GSAP: variants seen among roughly 807,000 people sequenced by gnomAD.
GSAP encodes gamma-secretase-activating protein.
Under a neutral mutation model 131.7 loss-of-function variants are expected in GSAP, and 118 were observed. The observed-to-expected ratio is 0.90, with a 90% CI of 0.77 to 1.04. The LOEUF (loss-of-function observed/expected upper bound fraction) is 1.04. GSAP is among the 50% of genes least tolerant of loss of function. The probability of loss-of-function intolerance (pLI) is 0.00; values close to 1 mark genes in which losing one functional copy is unlikely to be tolerated. For synonymous variants in GSAP, 381 were observed against 363.4 expected, an observed-to-expected ratio of 1.05 and a Z score of -0.55; for missense variants, 1,019 against 1,013.2, an observed-to-expected ratio of 1.01 and a Z score of -0.08.
At chr7:77,317,089 C>G (rs1380505267) in intron 26 of GSAP, among the ~76,000 whole-genome samples, 1 of 150,330 alleles carries the variant, frequency 6.7e-6, no homozygotes, top group East Asian at 1.9e-4. Flanking sequence ...CATGCACATG[C>G]ACACACACAC....
chr7:77,407,414 T>C (rs1219340230), intron 1 of GSAP, among the ~76,000 whole-genome samples: 1 of 152,192 alleles, frequency 6.6e-6, no homozygotes, highest in African/African-American at 2.4e-5. Context: ...TCTTAATCTT[T>C]TAATTGGGAT....
At chr7:77,329,633 C>T (rs1029399053) in intron 20 of GSAP, 2 of 267,322 alleles carry the variant, frequency 7.5e-6, no homozygotes, top group East Asian at 1.4e-4. Flanking sequence ...CTACATGCAG[C>T]GATACTAGAG....
chr7:77,317,836 A>G (rs1215533007), intron 26 of GSAP, among the ~76,000 whole-genome samples: 1 of 152,260 alleles, frequency 6.6e-6, no homozygotes, highest in Non-Finnish European at 1.5e-5. Flanking sequence ...CCACAAAGGT[A>G]GTTTTCCTGT....
chr7:77,329,263 T>C (rs1788734084), intron 21 of GSAP, 70 bp downstream of exon 21: 3 of 830,744 alleles, frequency 3.6e-6, no homozygotes, highest in Non-Finnish European at 5.6e-6. Flanking sequence ...CTATAAAAGG[T>C]AGCCAACAAA....
intron 19 of GSAP, among the ~76,000 whole-genome samples, chr7:77,346,243 C>A (rs1791816546): frequency 8.2e-6 from 1 of 121,296 alleles, no homozygotes; most frequent in African/African-American, 3.5e-5. Context: ...GCACTCCAGC[C>A]TGGGCAACGA....
chr7:77,320,986 T>C (rs1431992473), intron 25 of GSAP, among the ~76,000 whole-genome samples, 167 bp from the exon 26 acceptor site: 2 of 152,222 alleles, frequency 1.3e-5, no homozygotes, highest in Non-Finnish European at 2.9e-5. Flanking sequence ...GCCTAATGCC[T>C]AGAATTTAAT....
intron 20 of GSAP, chr7:77,329,829 C>T (rs1007063516): frequency 1.2e-4 from 19 of 162,134 alleles, no homozygotes; most frequent in Admixed American, 1.9e-4. Flanking sequence ...CTTCGATCAC[C>T]CCCAAAGATT....
At chr7:77,390,959 A>T (rs1436431073) in intron 5 of GSAP, among the ~76,000 whole-genome samples, 1 of 113,702 alleles carries the variant, frequency 8.8e-6, no homozygotes, top group African/African-American at 3.4e-5. Flanking sequence ...AAAAAAAAAA[A>T]AAAAAAAAAA....
chr7:77,320,995 A>C (rs1173298262), intron 25 of GSAP, among the ~76,000 whole-genome samples, 176 bp from the exon 26 acceptor site: 1 of 152,226 alleles, frequency 6.6e-6, no homozygotes, highest in Non-Finnish European at 1.5e-5. Flanking sequence ...CTAGAATTTA[A>C]TCAGAGTAGG....
At chr7:77,340,874 G>A (rs1456611563) in intron 19 of GSAP, among the ~76,000 whole-genome samples, 4 of 151,878 alleles carry the variant, frequency 2.6e-5, no homozygotes, top group East Asian at 1.9e-4. Context: ...CCCCTTCTCC[G>A]TGTCTCTACC....
chr7:77,319,287 T>C (rs1465800742), intron 26 of GSAP, among the ~76,000 whole-genome samples: 10 of 152,298 alleles, frequency 6.6e-5, no homozygotes, highest in Admixed American at 3.3e-4. Flanking sequence ...CCAACACTTA[T>C]GTGAAAATAT....
chr7:77,388,202 A>C (rs1256990773), intron 5 of GSAP, among the ~76,000 whole-genome samples: 1 of 152,226 alleles, frequency 6.6e-6, no homozygotes, highest in Non-Finnish European at 1.5e-5. Flanking sequence ...AGTTGTTTGT[A>C]CTCACTCCAT....
At chr7:77,386,331 T>C (rs931665243) in intron 6 of GSAP, among the ~76,000 whole-genome samples, 7 of 152,190 alleles carry the variant, frequency 4.6e-5, no homozygotes, top group African/African-American at 1.7e-4. Context: ...GTATACTAAC[T>C]ATCCTGTGAT....
intron 8 of GSAP, among the ~76,000 whole-genome samples, chr7:77,380,221 C>T (rs1413265483): frequency 6.6e-6 from 1 of 152,082 alleles, no homozygotes; most frequent in Non-Finnish European, 1.5e-5. Flanking sequence ...TTAGACTCAT[C>T]CAATTGGAAA....
chr7:77,374,969 T>C (rs1330951994), intron 11 of GSAP, 89 bp downstream of exon 11: 9 of 624,070 alleles, frequency 1.4e-5, no homozygotes, highest in Admixed American at 6.2e-5. Flanking sequence ...AAACTCTCTT[T>C]TTATCTGCAT....
intron 12 of GSAP, among the ~76,000 whole-genome samples, chr7:77,367,256 A>G (rs544244586): frequency 3.3e-5 from 5 of 152,128 alleles, no homozygotes; most frequent in Non-Finnish European, 5.9e-5. Context: ...GTTGGATAGG[A>G]GTGGTGAGAG....
chr7:77,408,743 T>G (rs1055527243), intron 1 of GSAP, among the ~76,000 whole-genome samples: 3 of 151,158 alleles, frequency 2.0e-5, no homozygotes, highest in Admixed American at 1.3e-4. Flanking sequence ...ATTTGACTCA[T>G]TTTTCCCATA....
At chr7:77,338,247 C>T (rs79384911) in intron 19 of GSAP, among the ~76,000 whole-genome samples, 12,361 of 152,128 alleles carry the variant, frequency 0.081, 721 homozygotes, top group Non-Finnish European at 0.11. Flanking sequence ...TTGCCGTTTC[C>T]CTAGAGCAAT....
chr7:77,334,579 T>TAAAAAAAAAAAAAAAAAA (rs1200040086), intron 19 of GSAP, among the ~76,000 whole-genome samples: 892 of 82,234 alleles, frequency 0.011, 117 homozygotes, highest in Non-Finnish European at 0.015. Flanking sequence ...AACTTAAAAT[T>TAAAAAAAAAAAAAAAAAA]TAAAAAAAAA....
Sources: gnomAD v4.1 joint callset for allele counts (sites outside exome capture counted in the v4.1 genomes callset) on GRCh38, gnomAD v4.1.1 for gene constraint, MANE v1.5 for transcripts, NCBI Gene and HGNC (gene_info 2026-07-23, HGNC 2026-07-21) for gene names.